FSTL5: variants seen among roughly 807,000 people sequenced by gnomAD.
FSTL5 encodes the protein follistatin-related protein 5.
Under a neutral mutation model 89.1 loss-of-function variants are expected in FSTL5, and 62 were observed. That is an observed-to-expected ratio of 0.70 (90% CI 0.57 to 0.86). The LOEUF (loss-of-function observed/expected upper bound fraction) is 0.86, where lower values mean the gene tolerates loss of function less well. Ranked by LOEUF, FSTL5 falls within the 40% of genes least tolerant of loss-of-function variation. The pLI is 0.00. For synonymous variants in FSTL5, 383 were observed against 346.2 expected, an observed-to-expected ratio of 1.11 and a Z score of -1.18; for missense variants, 1,057 against 1,001.6, an observed-to-expected ratio of 1.06 and a Z score of -0.75.
intron 6 of FSTL5, among the ~76,000 whole-genome samples, chr4:161,674,998 T>C (rs905106253): frequency 6.6e-6 from 1 of 152,038 alleles, no homozygotes; most frequent in Non-Finnish European, 1.5e-5. Context: ...ATTGACTCAA[T>C]TGAGATATCA....
At chr4:161,940,558 A>G (rs1734552500) in intron 3 of FSTL5, among the ~76,000 whole-genome samples, 1 of 151,820 alleles carries the variant, frequency 6.6e-6, no homozygotes, top group Non-Finnish European at 1.5e-5. Context: ...TTCAATACAA[A>G]TAACAGCTGA....
intron 4 of FSTL5, among the ~76,000 whole-genome samples, chr4:161,810,862 A>G (rs999847675): frequency 1.3e-5 from 2 of 152,176 alleles, no homozygotes; most frequent in African/African-American, 4.8e-5. Flanking sequence ...ACACCTAATC[A>G]CCCAATAATA....
intron 7 of FSTL5, 140 bp from the exon 8 acceptor site, chr4:161,587,715 T>A: frequency 1.7e-6 from 1 of 580,588 alleles, no homozygotes. Context: ...TTGTTGGGTG[T>A]ATAAGCGTAA....
intron 4 of FSTL5, among the ~76,000 whole-genome samples, chr4:161,800,163 G>A (rs1374162810): frequency 1.3e-5 from 2 of 151,574 alleles, no homozygotes; most frequent in Non-Finnish European, 3.0e-5. Context: ...TAGTCTCTGA[G>A]GAACTGAAAA....
At chr4:161,813,415 TA>T (rs1419097106) in intron 4 of FSTL5, among the ~76,000 whole-genome samples, 5 of 151,832 alleles carry the variant, frequency 3.3e-5, no homozygotes, top group Admixed American at 2.6e-4. Context: ...AAAGTAACAA[TA>T]AAAAAAATTT....
chr4:161,561,917 G>A (rs567132965), intron 8 of FSTL5, among the ~76,000 whole-genome samples: 9 of 152,128 alleles, frequency 5.9e-5, no homozygotes, highest in African/African-American at 1.9e-4. Context: ...GCTAAGGCAC[G>A]TGTTGTAGGT....
intron 3 of FSTL5, among the ~76,000 whole-genome samples, chr4:161,935,327 CACA>C (rs576599549): frequency 3.5e-4 from 54 of 152,224 alleles, no homozygotes; most frequent in Admixed American, 7.2e-4. Flanking sequence ...GTGTTAGGTA[CACA>C]ACATCAGTGA....
chr4:161,821,832 T>C (rs192855214), intron 4 of FSTL5, among the ~76,000 whole-genome samples: 3 of 152,340 alleles, frequency 2.0e-5, no homozygotes, highest in African/African-American at 7.2e-5. Context: ...CACTTGTTGA[T>C]TGATGAGCAT....
At chr4:161,455,569 T>G (rs1733325085) in intron 14 of FSTL5, among the ~76,000 whole-genome samples, 1 of 152,180 alleles carries the variant, frequency 6.6e-6, no homozygotes, top group South Asian at 2.1e-4. Context: ...TTTAAAATCT[T>G]GGAATACATA....
chr4:161,991,384 T>C (rs1736107339), intron 3 of FSTL5, among the ~76,000 whole-genome samples: 1 of 152,194 alleles, frequency 6.6e-6, no homozygotes, highest in Non-Finnish European at 1.5e-5. Flanking sequence ...AGTCTTTTTT[T>C]TTCCTTTCAC....
chr4:161,726,328 G>A (rs1739414539), intron 6 of FSTL5, among the ~76,000 whole-genome samples: 2 of 142,210 alleles, frequency 1.4e-5, no homozygotes, highest in Non-Finnish European at 3.0e-5. Flanking sequence ...CCGGGTTCAA[G>A]CAATTCTCCT....
At chr4:161,914,555 G>GA in intron 4 of FSTL5, among the ~76,000 whole-genome samples, 1 of 152,048 alleles carries the variant, frequency 6.6e-6, no homozygotes, top group Non-Finnish European at 1.5e-5. Context: ...TCATCAGTAA[G>GA]AAAAATGACA....
chr4:162,038,581 A>C (rs1021830897), intron 2 of FSTL5, among the ~76,000 whole-genome samples: 1 of 151,896 alleles, frequency 6.6e-6, no homozygotes, highest in African/African-American at 2.4e-5. Flanking sequence ...AAATAACACC[A>C]AAGTACCATG....
intron 4 of FSTL5, among the ~76,000 whole-genome samples, chr4:161,843,757 C>A (rs1259745286): frequency 6.6e-6 from 1 of 152,082 alleles, no homozygotes; most frequent in East Asian, 1.9e-4. Flanking sequence ...AAAACTGAAA[C>A]TGGCCCCTTC....
chr4:161,877,513 A>G (rs189208937), intron 4 of FSTL5, among the ~76,000 whole-genome samples: 13 of 151,662 alleles, frequency 8.6e-5, no homozygotes, highest in Middle Eastern at 3.4e-3. Flanking sequence ...TTTTAAAAAA[A>G]CTTCAGTAAT....
intron 8 of FSTL5, among the ~76,000 whole-genome samples, chr4:161,546,415 G>C (rs1195453245): frequency 6.6e-6 from 1 of 151,028 alleles, no homozygotes; most frequent in African/African-American, 2.4e-5. Context: ...TAAAGATGAT[G>C]AACTTTCTTA....
At chr4:161,629,502 C>G (rs981192603) in intron 7 of FSTL5, among the ~76,000 whole-genome samples, 1 of 152,060 alleles carries the variant, frequency 6.6e-6, no homozygotes, top group Non-Finnish European at 1.5e-5. Context: ...GCCACCACAC[C>G]TGGCTAAGTT....
chr4:161,571,521 T>C (rs987896997), intron 8 of FSTL5, among the ~76,000 whole-genome samples: 1 of 151,392 alleles, frequency 6.6e-6, no homozygotes, highest in Admixed American at 6.6e-5. Context: ...TCTCACAAAA[T>C]AAAGAATGGA....
chr4:162,099,296 A>G (rs1730891525), intron 2 of FSTL5, among the ~76,000 whole-genome samples: 1 of 152,178 alleles, frequency 6.6e-6, no homozygotes, highest in Non-Finnish European at 1.5e-5. Context: ...AAAATGTCCA[A>G]TTATTGCATA....
Sources: allele counts gnomAD v4.1 joint callset (sites outside exome capture counted in the v4.1 genomes callset), GRCh38; gene constraint gnomAD v4.1.1; transcripts MANE v1.5; gene names NCBI Gene and HGNC (gene_info 2026-07-23, HGNC 2026-07-21).